The following MS4A4E variants were observed in gnomAD, a reference collection of about 807,000 sequenced individuals.
The protein encoded by MS4A4E is membrane spanning 4-domains A4E, also known as putative membrane-spanning 4-domains subfamily A member 4E.
Under a neutral mutation model 13.3 loss-of-function variants are expected in MS4A4E, and 23 were observed. That is an observed-to-expected ratio of 1.73 (90% CI 1.25 to 2.45). The LOEUF is 2.45. MS4A4E is among the 30% of genes most tolerant of loss of function. The pLI, the probability that MS4A4E is intolerant of heterozygous loss-of-function variation, is 0.00. For synonymous variants in MS4A4E, 36 were observed against 45.6 expected (o/e 0.79, Z 0.85); for missense variants, 144 against 131.2 (o/e 1.10, Z -0.48).
rs185422136 is a variant in MS4A4E, at chr11:60,226,409, C to T, written c.178+2185G>A. On this transcript the variant is annotated intron_variant, in intron 3 of 8. Coordinates refer to ENST00000651255, the MANE Select transcript of MS4A4E (RefSeq NM_001393391.1). ...CCAACAAAACATGTGCAAACTAAAT[C>T]TAATAGTGTATCAAAAGAATTATAT... Among the ~76,000 whole-genome samples the T allele has an allele frequency of 5.7e-3, 865 of 152,082 alleles. 10 individuals carry two copies. The highest frequency in any genetic ancestry group is 0.019 in the African/African-American group (803 of 41,534).
intron 2 of MS4A4E, among the ~76,000 whole-genome samples, chr11:60,229,303 C>CA (rs888070963): frequency 6.6e-6 from 1 of 151,674 alleles, no homozygotes; most frequent in African/African-American, 2.4e-5. Flanking sequence ...TATTTCTCTC[C>CA]AAAAAAATGA....
At chr11:60,232,627 C>T (rs2084426744) in intron 1 of MS4A4E, among the ~76,000 whole-genome samples, 1 of 151,980 alleles carries the variant, frequency 6.6e-6, no homozygotes, top group African/African-American at 2.4e-5. Context: ...GCTCAGCTGA[C>T]AGAGCTACCT....
chr11:60,224,005 A>G lies in MS4A4E; in HGVS notation c.178+4589T>C, dbSNP rs190121992. ...TGTACACGAGTGAAGGGGAGCAAAAATTAAGCTCTATTATAAAACTCTAAA... is the reference window on the plus strand; with the variant it reads ...TGTACACGAGTGAAGGGGAGCAAAAGTTAAGCTCTATTATAAAACTCTAAA... On this transcript the variant is annotated intron_variant, in intron 3 of 8. Coordinates refer to ENST00000651255, the MANE Select transcript of MS4A4E (RefSeq NM_001393391.1). Among the ~76,000 whole-genome samples the G allele has an allele frequency of 2.0e-5, 3 of 152,288 alleles. No individual in the cohort carries two copies. The East Asian group carries it at 5.8e-4, about 29-fold the overall frequency.
intron 4 of MS4A4E, 61 bp downstream of exon 4, chr11:60,214,510 T>C (rs992691457): frequency 3.3e-6 from 4 of 1,214,966 alleles, no homozygotes; most frequent in Non-Finnish European, 4.5e-6. Flanking sequence ...TTTTATACCC[T>C]GGCAGAATAC....
Position 60,243,055 on chromosome 11 carries a change from C to G in MS4A4E, c.-114G>C. 9.4e-7 allele frequency: 1 copy of G among 1,066,346 alleles called. No homozygotes were observed. Among genetic ancestry groups the G allele is most frequent in the Middle Eastern group, 3.0e-4 (1 of 3,282 alleles). The allele number at this position is 1,066,346 out of a possible 1,614,324, so 66.1% of individuals were successfully genotyped here. A position where few individuals can be genotyped will look rare whatever the true frequency, so the allele number is the denominator to read the frequency against. On this transcript the variant is annotated 5_prime_UTR_variant, in exon 1 of 9. Coordinates refer to ENST00000651255, the MANE Select transcript of MS4A4E (RefSeq NM_001393391.1). Reference sequence around the variant, plus strand: ...TTGTTCCAGACACAGTCAGCTTCCCCCACTCCACACCTCACTCAGTTTAAA... The same window carrying G: ...TTGTTCCAGACACAGTCAGCTTCCCGCACTCCACACCTCACTCAGTTTAAA...
chr11:60,204,929 A>G lies in MS4A4E; in HGVS notation c.620T>C (p.Val207Ala), dbSNP rs955346486. 1.3e-5 allele frequency among the ~76,000 whole-genome samples: 2 copies of G among 152,170 alleles called. No individual in the cohort carries two copies. The highest frequency in any genetic ancestry group is 2.9e-5 in the Non-Finnish European group (2 of 68,036). ...CSGDGQYLEK[V>A]YYDILSSWLR... is the part of the protein sequence containing the mutation. ...CCAAGAAGATAGAATGTCATAATAG[A>G]CTTTTTCCAGATACTGTCCATCTCC... Residue 207 changes from valine (V) to alanine (A), a missense_variant, in exon 8 of 9, where the codon GTC becomes GCC. Val to Ala is a moderately conservative substitution (Grantham distance 64). Around this residue, in one of 3 missense-constraint regions of MS4A4E, gnomAD observed 21 missense variants for 25.1 expected, o/e 0.84. Transcript: ENST00000651255.
At chr11:60,210,011 G>T (rs909856717) in intron 5 of MS4A4E, among the ~76,000 whole-genome samples, 7 of 152,172 alleles carry the variant, frequency 4.6e-5, no homozygotes, top group Non-Finnish European at 8.8e-5. Context: ...TGTCTTCAAG[G>T]ATTTTACCAT....
chr11:60,235,653 C>T (rs2084473485), intron 1 of MS4A4E, among the ~76,000 whole-genome samples: 1 of 152,148 alleles, frequency 6.6e-6, no homozygotes, highest in Admixed American at 6.5e-5. Context: ...TAAATTGTCT[C>T]CCTTCCGGGA....
chr11:60,222,850 A>G (rs990639899), intron 3 of MS4A4E, among the ~76,000 whole-genome samples: 1 of 152,200 alleles, frequency 6.6e-6, no homozygotes, highest in Non-Finnish European at 1.5e-5. Context: ...GACCTGGACT[A>G]TCAAGATAAA....
chr11:60,235,685 T>C (rs995656184), intron 1 of MS4A4E, among the ~76,000 whole-genome samples: 1 of 152,384 alleles, frequency 6.6e-6, no homozygotes, highest in East Asian at 1.9e-4. Flanking sequence ...ATGATCAAAC[T>C]ATGGGCTTTT....
rs551540397 is a variant in MS4A4E, at chr11:60,201,024, C to T, written c.*519G>A. Among the ~76,000 whole-genome samples, 1 of 147,376 alleles carries T rather than the reference C, an allele frequency of 6.8e-6. No homozygotes were observed. The highest frequency in any genetic ancestry group is 6.6e-5 in the Admixed American group (1 of 15,090). On this transcript the variant is annotated 3_prime_UTR_variant, in exon 9 of 9. Coordinates refer to ENST00000651255, the MANE Select transcript of MS4A4E (RefSeq NM_001393391.1). Reference sequence around the variant, plus strand: ...CGGCTGGCCGGGCAGAGGGCTGACCCCCCCACCTCCCTCCCAGACGTGGTG... The same window carrying T: ...CGGCTGGCCGGGCAGAGGGCTGACCTCCCCACCTCCCTCCCAGACGTGGTG...
chr11:60,222,198 C>G (rs955141185), intron 3 of MS4A4E, among the ~76,000 whole-genome samples: 1 of 152,206 alleles, frequency 6.6e-6, no homozygotes. Context: ...AGAATAGACA[C>G]TTACTTTGGA....
chr11:60,219,402 A>T (rs1021244668), intron 3 of MS4A4E, among the ~76,000 whole-genome samples: 8 of 152,226 alleles, frequency 5.3e-5, no homozygotes, highest in Admixed American at 5.2e-4. Context: ...CAATCAGAAT[A>T]GTCTGACTTG....
chr11:60,212,696 A>G (rs556367472), intron 5 of MS4A4E, among the ~76,000 whole-genome samples: 1 of 152,314 alleles, frequency 6.6e-6, no homozygotes, highest in African/African-American at 2.4e-5. Context: ...AAACATAAAA[A>G]TTTATGCAAA....
chr11:60,213,997 A>G (rs2084158635), intron 4 of MS4A4E, among the ~76,000 whole-genome samples: 1 of 151,764 alleles, frequency 6.6e-6, no homozygotes, highest in Non-Finnish European at 1.5e-5. Context: ...CTCCGCCTCC[A>G]GGGTTCAAGC....
chr11:60,229,974 G>T lies in MS4A4E; in HGVS notation c.82C>A (p.His28Asn), dbSNP rs775551219. 8.1e-6 allele frequency: 13 copies of T among 1,613,608 alleles called. No homozygotes were observed. The Admixed American group carries it at 2.2e-4, about 27-fold the overall frequency. The change falls in exon 2 of 9, where the codon CAT becomes AAT. Residue 28 changes from histidine (H) to asparagine (N), a missense_variant. His to Asn is a moderately conservative substitution (Grantham distance 68). Coordinates refer to ENST00000651255, the MANE Select transcript of MS4A4E (RefSeq NM_001393391.1). Reference sequence around the variant, plus strand: ...TGCAATCCTTTACACAGATATGAATGTATGACATCTATGTTTCCCAGCTGG... The same window carrying T: ...TGCAATCCTTTACACAGATATGAATTTATGACATCTATGTTTCCCAGCTGG... The part of the protein sequence containing the change: ...VPQLGNIDVI[H>N]SYLCKGLQEK...
At chr11:60,216,302 G>A (rs1026684724) in intron 3 of MS4A4E, among the ~76,000 whole-genome samples, 8 of 152,096 alleles carry the variant, frequency 5.3e-5, no homozygotes, top group African/African-American at 1.9e-4. Flanking sequence ...CATGTAAGCT[G>A]GTTTTCAATG....
At chr11:60,241,255 A>T (rs2084546920) in intron 1 of MS4A4E, among the ~76,000 whole-genome samples, 1 of 152,058 alleles carries the variant, frequency 6.6e-6, no homozygotes, top group African/African-American at 2.4e-5. Context: ...CGATCCTCTG[A>T]CCTCGTGATC....
Position 60,201,769 on chromosome 11 carries a change from A to C in MS4A4E, c.770T>G (p.Val257Gly), listed in dbSNP as rs1291716910. 4.5e-6 allele frequency: 1 copy of C among 223,888 alleles called. No homozygotes were observed. The highest frequency in any genetic ancestry group is 2.4e-5 in the African/African-American group (1 of 41,968). 13.9% of individuals were successfully genotyped at this position (223,888 alleles called of 1,614,324 possible). A position where few individuals can be genotyped will look rare whatever the true frequency, so the allele number is the denominator to read the frequency against. ...GGGGTGGCGGCCGGGCAGAGGCTGC[A>C]CTCTCGGCACTTTGGGAGGCCAAGG... is the stretch of plus-strand genomic sequence containing the variant. ...RLPWPPKVPR[V>G]QPLPGRHPVW... The change falls in exon 9 of 9, where the codon GTG (valine) becomes GGG (glycine). Residue 257 changes from valine to glycine, a missense_variant. Around this residue, in one of 3 missense-constraint regions of MS4A4E, gnomAD observed 21 missense variants for 25.1 expected, o/e 0.84. Transcript: ENST00000651255.
Sources: gnomAD v4.1 joint callset for allele counts (sites outside exome capture counted in the v4.1 genomes callset) on GRCh38, gnomAD v4.1.1 for gene constraint, gnomAD v4.1.1 regional missense constraint, MANE v1.5 for transcripts, NCBI Gene and HGNC (gene_info 2026-07-23, HGNC 2026-07-21) for gene names.